The following SUV39H1 variants were observed in gnomAD, a reference collection of about 807,000 sequenced individuals.
SUV39H1 encodes the protein SUV39H1 histone lysine methyltransferase.
For synonymous variants in SUV39H1, 141 were observed against 150.5 expected (o/e 0.94, Z 0.46); for missense variants, 180 against 386.3 (o/e 0.47, Z 4.48).
intron 1 of SUV39H1, among the ~76,000 whole-genome samples, chrX:48,698,298 T>TTA (rs2062463012): frequency 1.8e-5 from 2 of 112,040 alleles, no homozygotes; most frequent in African/African-American, 3.2e-5. Flanking sequence ...ATGCATTTGA[T>TTA]TATAGCTTGA....
At chrX:48,706,137 G>A in intron 3 of SUV39H1, 128 bp from the exon 4 acceptor site, 1 of 910,858 alleles carries the variant, frequency 1.1e-6, no homozygotes, top group South Asian at 2.5e-5. Context: ...CAGACTCTCT[G>A]CGTCACTGCC....
intron 1 of SUV39H1, among the ~76,000 whole-genome samples, 190 bp downstream of exon 1, chrX:48,696,993 G>T (rs1557008762): frequency 1.8e-5 from 2 of 108,459 alleles, no homozygotes; most frequent in Non-Finnish European, 3.9e-5. Context: ...GGGAGGGGGC[G>T]CGCGCCTCGG....
intron 3 of SUV39H1, 38 bp from the exon 4 acceptor site, chrX:48,706,227 C>T (rs782656874): frequency 6.7e-6 from 8 of 1,185,208 alleles, no homozygotes; most frequent in Middle Eastern, 2.5e-4. Context: ...CCTGAGACTT[C>T]GCGGCCAATC....
At chrX:48,697,367 G>T (rs782536546) in intron 1 of SUV39H1, among the ~76,000 whole-genome samples, 5 of 111,700 alleles carry the variant, frequency 4.5e-5, no homozygotes, top group Admixed American at 1.9e-4. Context: ...GGGTGACTCA[G>T]TTATGTTGGG....
chrX:48,706,028 C>T (rs1261073138), intron 3 of SUV39H1, among the ~76,000 whole-genome samples: 1 of 113,045 alleles, frequency 8.8e-6, no homozygotes, highest in African/African-American at 3.2e-5. Context: ...TGCAGCCAGG[C>T]CAGCCTGCAC....
In SUV39H1 at chrX:48,706,289, C is replaced by T; in HGVS notation, c.853C>T (p.Arg285Trp). 1 of 1,209,546 alleles carries T rather than the reference C, an allele frequency of 8.3e-7. No homozygotes were observed. The highest frequency in any genetic ancestry group is 1.1e-6 in the Non-Finnish European group (1 of 893,995). Residue 285 changes from arginine (R) to tryptophan (W), a missense_variant, in exon 4 of 6, where the codon CGG (arginine) becomes TGG (tryptophan). By Grantham distance (101) the Arg-to-Trp change is moderately radical (BLOSUM62 -3). Coordinates refer to ENST00000376687, the MANE Select transcript of SUV39H1 (RefSeq NM_003173.4). ...GATCATTACCTCAGAGGAGGCAGAG[C>T]GGCGGGGCCAGATCTACGACCGTCA... ...GEIITSEEAE[R>W]RGQIYDRQGA...
chrX:48,696,877 G>A (rs1557008716), intron 1 of SUV39H1, 74 bp downstream of exon 1: 7 of 870,528 alleles, frequency 8.0e-6, no homozygotes, highest in Non-Finnish European at 1.0e-5. Context: ...TTGCCGGCTC[G>A]GGGCCCCGGC....
At chrX:48,699,980 G>C in intron 2 of SUV39H1, 111 bp from the exon 3 acceptor site, 1 of 606,902 alleles carries the variant, frequency 1.6e-6, no homozygotes, top group African/African-American at 2.3e-5. Context: ...CCAGAAAAGG[G>C]GTGGGGTGGG....
intron 5 of SUV39H1, 51 bp from the exon 6 acceptor site, chrX:48,707,386 C>A: frequency 2.6e-6 from 3 of 1,153,651 alleles, no homozygotes; most frequent in Non-Finnish European, 3.5e-6. Flanking sequence ...TCCTTCTCCC[C>A]CTCCCTCCCT....
intron 1 of SUV39H1, among the ~76,000 whole-genome samples, chrX:48,697,342 T>C (rs1231085737): frequency 9.0e-6 from 1 of 111,472 alleles, no homozygotes; most frequent in Non-Finnish European, 1.9e-5. Context: ...GACTCCCCCA[T>C]GTGCAGGGAA....
Position 48,700,395 on chromosome X carries a change from C to T in SUV39H1, c.470C>T (p.Pro157Leu), listed in dbSNP as rs2062470578. The T allele has an allele frequency of 1.7e-6, 2 of 1,211,851 alleles. No homozygotes were observed. The highest frequency in any genetic ancestry group is 2.2e-6 in the Non-Finnish European group (2 of 895,487). The change falls in exon 3 of 6, where the codon CCG becomes CTG. Residue 157 changes from proline to leucine, a missense_variant. Physicochemically the swap from Pro to Leu is moderately conservative, Grantham distance 98. Coordinates refer to ENST00000376687, the MANE Select transcript of SUV39H1 (RefSeq NM_003173.4). ...AATGAGGTGGACCTGGACGGCCCTCCGCGGGCCTTCGTGTACATCAATGAG... is the reference window on the plus strand; with the variant it reads ...AATGAGGTGGACCTGGACGGCCCTCTGCGGGCCTTCGTGTACATCAATGAG... ...VENEVDLDGP[P>L]RAFVYINEYR... is the part of the protein sequence containing the mutation.
At chrX:48,695,788 C>T (rs1557008439), upstream of SUV39H1, 2 of 1,156,005 alleles carry the variant, frequency 1.7e-6, no homozygotes, top group Admixed American at 5.2e-5. Flanking sequence ...AGAATCTCAG[C>T]TTCAACGCAT....
chrX:48,696,511 C>CG, upstream of SUV39H1: 1 of 287,710 alleles, frequency 3.5e-6, no homozygotes, highest in Non-Finnish European at 6.1e-6. Context: ...GACAGACCAG[C>CG]GCACGGGCAG....
chrX:48,697,042 G>A (rs1393619956), intron 1 of SUV39H1, among the ~76,000 whole-genome samples: 1 of 109,812 alleles, frequency 9.1e-6, no homozygotes, highest in African/African-American at 3.3e-5. Context: ...ACGCAGGAGG[G>A]GGGCGCGCGC....
At chrX:48,700,059 G>A (rs1273943567) in intron 2 of SUV39H1, 32 bp from the exon 3 acceptor site, 14 of 1,112,460 alleles carry the variant, frequency 1.3e-5, no homozygotes, top group African/African-American at 1.8e-5. Context: ...CACTACTTAC[G>A]GTACCCCCGT....
upstream of SUV39H1, chrX:48,695,904 C>T (rs2062452906): frequency 3.5e-6 from 4 of 1,153,411 alleles, no homozygotes; most frequent in African/African-American, 3.6e-5. Flanking sequence ...CCTCTAGTTG[C>T]TGTGACTATT....
intron 3 of SUV39H1, among the ~76,000 whole-genome samples, chrX:48,704,761 G>C (rs2062485558): frequency 8.9e-6 from 1 of 111,747 alleles, no homozygotes. Context: ...GTGTGAATCT[G>C]TCTCTCTGTG....
upstream of SUV39H1, chrX:48,696,716 G>T (rs2062456706): frequency 2.2e-5 from 25 of 1,119,158 alleles, no homozygotes; most frequent in South Asian, 4.8e-4. Context: ...GCGCGTTCCC[G>T]GCCACGCCCG....
chrX:48,702,914 A>G (rs1384543887), intron 3 of SUV39H1, among the ~76,000 whole-genome samples: 1 of 111,586 alleles, frequency 9.0e-6, no homozygotes, highest in Non-Finnish European at 1.9e-5. Flanking sequence ...CCCTCTGAAG[A>G]GACAGTATAG....
Sources: allele counts gnomAD v4.1 joint callset (sites outside exome capture counted in the v4.1 genomes callset), GRCh38; gene constraint gnomAD v4.1.1; transcripts MANE v1.5; gene names NCBI Gene and HGNC (gene_info 2026-07-23, HGNC 2026-07-21).